GPC3: variants seen among roughly 807,000 people sequenced by gnomAD.
GPC3 encodes the protein glypican-3.
In GPC3, 3 loss-of-function variants were observed where a neutral mutation model predicts 34.4. The observed-to-expected ratio is 0.09, with a 90% CI of 0.04 to 0.23. The LOEUF (loss-of-function observed/expected upper bound fraction) is 0.23, where lower values mean the gene tolerates loss of function less well. Among genes scored for constraint, GPC3 ranks in the 10% least tolerant of loss-of-function variants. The pLI is 1.00. For missense variants in GPC3, 351 were observed against 445.6 expected (o/e 0.79, Z 1.91); for synonymous variants, 177 against 174.0 (o/e 1.02, Z -0.13).
chrX:133,849,307 TAACA>T (rs1255092843), intron 2 of GPC3, among the ~76,000 whole-genome samples: 5 of 110,157 alleles, frequency 4.5e-5, no homozygotes, highest in Non-Finnish European at 9.5e-5. Context: ...CACCTAATTA[TAACA>T]AACTAGGCTG....
intron 4 of GPC3, among the ~76,000 whole-genome samples, chrX:133,696,621 C>A (rs1015519682): frequency 4.5e-5 from 5 of 111,582 alleles, no homozygotes; most frequent in Non-Finnish European, 9.4e-5. Context: ...GCTAGTAGCC[C>A]ATGACAGACA....
intron 2 of GPC3, among the ~76,000 whole-genome samples, chrX:133,880,768 C>T (rs993821534): frequency 8.9e-5 from 10 of 111,795 alleles, no homozygotes; most frequent in African/African-American, 3.2e-4. Context: ...TTTAAAATCA[C>T]TGACCATAAT....
At chrX:133,941,205 A>G (rs1259361878) in intron 2 of GPC3, among the ~76,000 whole-genome samples, 1 of 112,260 alleles carries the variant, frequency 8.9e-6, no homozygotes, top group Non-Finnish European at 1.9e-5. Flanking sequence ...GAGTAAACAC[A>G]CATACTACAT....
chrX:133,745,284 A>G (rs769989894), intron 3 of GPC3, among the ~76,000 whole-genome samples: 12 of 111,966 alleles, frequency 1.1e-4, no homozygotes, highest in Non-Finnish European at 2.1e-4. Context: ...TGGCTTTCTG[A>G]CCTTTCTGAA....
intron 6 of GPC3, among the ~76,000 whole-genome samples, chrX:133,650,457 CCACA>C (rs537936603): frequency 2.4e-3 from 236 of 97,494 alleles, no homozygotes; most frequent in South Asian, 2.9e-3. Context: ...ACACACCCAC[CCACA>C]CACACACACA....
intron 2 of GPC3, among the ~76,000 whole-genome samples, chrX:133,811,743 A>G (rs2075667155): frequency 8.9e-6 from 1 of 111,894 alleles, no homozygotes; most frequent in African/African-American, 3.2e-5. Context: ...AAAGCCACAT[A>G]ATCAACAAAG....
chrX:133,788,719 TC>T (rs1461216347), intron 2 of GPC3, among the ~76,000 whole-genome samples: 2 of 72,747 alleles, frequency 2.7e-5, no homozygotes, highest in Admixed American at 1.5e-4. Context: ...CTCCTCTTCC[TC>T]CCCCCTCCTC....
At chrX:133,949,767 G>A (rs2076384212) in intron 2 of GPC3, among the ~76,000 whole-genome samples, 1 of 111,944 alleles carries the variant, frequency 8.9e-6, no homozygotes, top group Non-Finnish European at 1.9e-5. Context: ...AGGTGGTAGT[G>A]AGATGACGAA....
At chrX:133,742,089 G>C (rs1406156286) in intron 3 of GPC3, among the ~76,000 whole-genome samples, 1 of 112,553 alleles carries the variant, frequency 8.9e-6, no homozygotes. Context: ...ATGCATTAGA[G>C]AACTAGTAGA....
intron 6 of GPC3, among the ~76,000 whole-genome samples, chrX:133,622,805 A>G (rs779921320): frequency 9.0e-6 from 1 of 111,549 alleles, no homozygotes; most frequent in Non-Finnish European, 1.9e-5. Context: ...CAAATTCAGG[A>G]AATACAGAGA....
At chrX:133,696,221 T>C (rs1232145696) in intron 4 of GPC3, among the ~76,000 whole-genome samples, 1 of 112,529 alleles carries the variant, frequency 8.9e-6, no homozygotes, top group Admixed American at 9.4e-5. Flanking sequence ...TGAAAATAAG[T>C]GCAGACATAC....
chrX:133,823,151 A>C (rs1459088004), intron 2 of GPC3, among the ~76,000 whole-genome samples: 2 of 99,441 alleles, frequency 2.0e-5, no homozygotes, highest in East Asian at 3.0e-4. Context: ...AAAAAAAAAA[A>C]AAAAAAAAAA....
chrX:133,605,806 T>G (rs1301916967), intron 6 of GPC3, among the ~76,000 whole-genome samples: 5 of 111,477 alleles, frequency 4.5e-5, no homozygotes, highest in Non-Finnish European at 7.5e-5. Context: ...GAAAGAAGCC[T>G]GGGTGGAATT....
chrX:133,751,822 G>A (rs967583078), intron 3 of GPC3, among the ~76,000 whole-genome samples: 1 of 112,306 alleles, frequency 8.9e-6, no homozygotes, highest in Non-Finnish European at 1.9e-5. Context: ...TGATAGATCA[G>A]TAGAGTGTCT....
intron 2 of GPC3, among the ~76,000 whole-genome samples, chrX:133,903,408 A>T (rs2076153949): frequency 9.1e-6 from 1 of 110,470 alleles, no homozygotes; most frequent in Non-Finnish European, 1.9e-5. Context: ...CAACATGGTG[A>T]GACCCCGTCT....
In GPC3 at chrX:133,745,500, A is replaced by G. The variant is rs755246724; in HGVS notation, c.1032+7982T>C. On this transcript the variant is annotated intron_variant, in intron 3 of 7. Transcript: ENST00000370818. Reference sequence around the variant, plus strand: ...AGAGACTGAAAGAGAGCAGTGGAGTAGCTGGAGGCCCACAGTAGCAGAATT... The same window carrying G: ...AGAGACTGAAAGAGAGCAGTGGAGTGGCTGGAGGCCCACAGTAGCAGAATT... Among the ~76,000 whole-genome samples the G allele has an allele frequency of 6.2e-5, 7 of 113,020 alleles. No homozygotes were observed. In the South Asian group the frequency reaches 2.6e-3, roughly 41 times the overall value.
chrX:133,814,559 T>A (rs1395161462), intron 2 of GPC3, among the ~76,000 whole-genome samples: 2 of 109,722 alleles, frequency 1.8e-5, no homozygotes, highest in African/African-American at 6.6e-5. Context: ...TTTTTGAATT[T>A]TTATTGTTAT....
chrX:133,706,851 G>A (rs2071223981), intron 3 of GPC3, among the ~76,000 whole-genome samples: 1 of 111,463 alleles, frequency 9.0e-6, no homozygotes, highest in Admixed American at 9.5e-5. Flanking sequence ...TACCATTACT[G>A]GGTATATAGC....
chrX:133,868,284 C>G (rs2075977722), intron 2 of GPC3, among the ~76,000 whole-genome samples: 2 of 112,205 alleles, frequency 1.8e-5, no homozygotes. Flanking sequence ...CATGCTCCCC[C>G]TCCTGTCAGG....
Sources: allele counts gnomAD v4.1 joint callset (sites outside exome capture counted in the v4.1 genomes callset), GRCh38; gene constraint gnomAD v4.1.1; transcripts MANE v1.5; gene names NCBI Gene and HGNC (gene_info 2026-07-23, HGNC 2026-07-21).